DNAH7: variants seen among roughly 807,000 people sequenced by gnomAD.
The protein encoded by DNAH7 is dynein axonemal heavy chain 7.
Under a neutral mutation model 444.6 loss-of-function variants are expected in DNAH7, and 397 were observed. The observed-to-expected ratio is 0.89, with a 90% confidence interval of 0.82 to 0.97. The LOEUF is 0.97. DNAH7 is among the 50% of genes least tolerant of loss of function. DNAH7 has a pLI of 0.00. For synonymous variants in DNAH7, 1,636 were observed against 1,624.4 expected (o/e 1.01, Z -0.17); for missense variants, 4,902 against 4,800.8 (o/e 1.02, Z -0.62).
intron 36 of DNAH7, among the ~76,000 whole-genome samples, chr2:195,879,623 G>A (rs926416298): frequency 9.9e-5 from 15 of 152,064 alleles, no homozygotes; most frequent in African/African-American, 3.4e-4. Context: ...ACTGAAAGAT[G>A]AATATTTTTG....
intron 58 of DNAH7, among the ~76,000 whole-genome samples, chr2:195,782,510 TTTTA>T (rs1695435737): frequency 6.6e-6 from 1 of 152,228 alleles, no homozygotes; most frequent in African/African-American, 2.4e-5. Flanking sequence ...ATTTATCATT[TTTTA>T]TTTAATACAT....
chr2:196,006,035 C>T (rs1264230578), intron 10 of DNAH7, among the ~76,000 whole-genome samples: 1 of 152,030 alleles, frequency 6.6e-6, no homozygotes, highest in Non-Finnish European at 1.5e-5. Flanking sequence ...ATTATATGAT[C>T]ATATGTGATG....
At chr2:196,020,088 C>G (rs1695281343) in intron 8 of DNAH7, among the ~76,000 whole-genome samples, 3 of 151,984 alleles carry the variant, frequency 2.0e-5, no homozygotes, top group Admixed American at 2.0e-4. Flanking sequence ...AATATATTTT[C>G]TCTTTCTTAT....
At chr2:195,994,280 CT>C in intron 12 of DNAH7, 1 of 409,994 alleles carries the variant, frequency 2.4e-6, no homozygotes, top group Non-Finnish European at 4.6e-6. Flanking sequence ...CCAGTGGAAG[CT>C]TTTCCAAATC....
intron 48 of DNAH7, among the ~76,000 whole-genome samples, chr2:195,829,582 C>A (rs1029748580): frequency 5.9e-5 from 9 of 152,044 alleles, no homozygotes; most frequent in Admixed American, 1.3e-4. Flanking sequence ...GTTTCAGTTT[C>A]TCTTACTGCC....
intron 17 of DNAH7, among the ~76,000 whole-genome samples, chr2:195,968,849 C>G (rs1691654815): frequency 6.6e-6 from 1 of 152,192 alleles, no homozygotes. Flanking sequence ...TCCAAATGCT[C>G]TCTGTGTGGG....
At chr2:195,784,464 A>G (rs1297273218) in intron 58 of DNAH7, among the ~76,000 whole-genome samples, 1 of 152,178 alleles carries the variant, frequency 6.6e-6, no homozygotes, top group African/African-American at 2.4e-5. Flanking sequence ...ATAATATCCC[A>G]TTGTCTGAAT....
chr2:196,053,373 A>C lies in DNAH7; in HGVS notation c.79-2124T>G, dbSNP rs189794341. Reference sequence around the variant, plus strand: ...TTTGCGGAAGACAGTCTCAGTTTACACCTTTAGTCTCAGTTTGCCCAAGCA... The same window carrying C: ...TTTGCGGAAGACAGTCTCAGTTTACCCCTTTAGTCTCAGTTTGCCCAAGCA... On this transcript the variant is annotated intron_variant, in intron 2 of 64. Transcript: ENST00000312428. Among the ~76,000 whole-genome samples, 642 of 152,342 alleles carry C rather than the reference A, an allele frequency of 4.2e-3. 16 individuals carry two copies. The highest frequency in any genetic ancestry group is 8.2e-4 in the Non-Finnish European group (56 of 68,032).
rs767168121 is a variant in DNAH7, at chr2:195,891,806, T to G, written c.4897-2A>C. On this transcript the variant is annotated splice_acceptor_variant, in intron 30 of 64. Transcript: ENST00000312428. LOFTEE classifies it high-confidence loss of function. ...AACTTTGTTTTCTTCCATTAGCCCC[T>G]TAATGAAAAAAAAAAACATTTATTT... 1.4e-6 allele frequency: 2 copies of G among 1,450,032 alleles called. No homozygotes were observed. The highest frequency in any genetic ancestry group is 9.1e-7 in the Non-Finnish European group (1 of 1,102,634). The allele number at this position is 1,450,032 out of a possible 1,614,324, so 89.8% of individuals were successfully genotyped here.
chr2:195,886,533 T>C lies in DNAH7; in HGVS notation c.5407-261A>G, dbSNP rs144971517. 1.9e-3 allele frequency among the ~76,000 whole-genome samples: 295 copies of C among 152,270 alleles called. 3 individuals carry two copies. Among genetic ancestry groups the C allele is most frequent in the African/African-American group, 6.7e-3 (278 of 41,560 alleles). ...TTACGTGTGCAGTTAATTTAAGATA[T>C]GGATTCCATGGTATACTAATTTTAT... is the stretch of plus-strand genomic sequence containing the variant. On this transcript the variant is annotated intron_variant, in intron 33 of 64. Coordinates refer to ENST00000312428, the MANE Select transcript of DNAH7 (RefSeq NM_018897.3).
chr2:195,874,192 G>C (rs1295754552), intron 38 of DNAH7, among the ~76,000 whole-genome samples: 2 of 152,130 alleles, frequency 1.3e-5, no homozygotes, highest in African/African-American at 4.8e-5. Context: ...CCCAAGACGA[G>C]TCTATACAGT....
chr2:195,809,926 G>A, intron 51 of DNAH7, 55 bp from the exon 52 acceptor site: 1 of 1,343,494 alleles, frequency 7.4e-7, no homozygotes, highest in Non-Finnish European at 9.7e-7. Context: ...TAAAGATAAT[G>A]CTCTTAAGAA....
chr2:196,039,943 T>C (rs573912620), intron 5 of DNAH7, among the ~76,000 whole-genome samples: 15 of 150,868 alleles, frequency 9.9e-5, no homozygotes, highest in Admixed American at 4.0e-4. Flanking sequence ...CCAGAAAAAA[T>C]AGACACATCC....
intron 19 of DNAH7, among the ~76,000 whole-genome samples, chr2:195,939,361 C>T (rs1689267831): frequency 6.6e-6 from 1 of 152,052 alleles, no homozygotes; most frequent in Non-Finnish European, 1.5e-5. Context: ...CTTTAAATTC[C>T]TCTAAGAATC....
intron 46 of DNAH7, among the ~76,000 whole-genome samples, chr2:195,846,561 G>T (rs181451442): frequency 6.6e-6 from 1 of 152,292 alleles, no homozygotes; most frequent in East Asian, 1.9e-4. Flanking sequence ...TACTGTGATG[G>T]TTAATACTGA....
chr2:195,857,475 A>G lies in DNAH7; in HGVS notation c.8316T>C (p.Tyr2772=), dbSNP rs989054400. ...PAYMNIIRKN[Y]IPNPDFVPEK... is the part of the protein sequence containing the mutation. ...CTGGTACAAAATCTGGATTTGGAAT[A>G]TAATTTTTTCTTATGATATTCATAT... Residue 2772 remains tyrosine, a synonymous_variant, in exon 44 of 65, where the codon TAT becomes TAC. Coordinates refer to ENST00000312428, the MANE Select transcript of DNAH7 (RefSeq NM_018897.3). 3.1e-6 allele frequency: 5 copies of G among 1,613,438 alleles called. No homozygotes were observed. The highest frequency in any genetic ancestry group is 3.4e-6 in the Non-Finnish European group (4 of 1,179,838).
rs767451552 is a variant in DNAH7 at position 195,960,888 on chromosome 2, G to T, written c.2263C>A (p.Gln755Lys). 1.2e-6 allele frequency: 2 copies of T among 1,613,174 alleles called. No homozygotes were observed. The highest frequency in any genetic ancestry group is 1.7e-6 in the Non-Finnish European group (2 of 1,179,554). The change falls in exon 18 of 65, where the codon CAA becomes AAA. Residue 755 changes from glutamine to lysine, a missense_variant. Coordinates refer to ENST00000312428, the MANE Select transcript of DNAH7 (RefSeq NM_018897.3). ...AFGWLPSVYPQRKKIQDGLNP... is the reference protein window; with the variant it reads ...AFGWLPSVYPKRKKIQDGLNP... ...AAGCCATCTTGGATTTTTTTACGTT[G>T]AGGATATACAGATGGTAGCCAACCA...
At chr2:196,035,944 A>G (rs976764039) in intron 5 of DNAH7, among the ~76,000 whole-genome samples, 5 of 152,010 alleles carry the variant, frequency 3.3e-5, no homozygotes, top group Non-Finnish European at 7.4e-5. Flanking sequence ...AAGCTGCCAT[A>G]GCACTGCACC....
At chr2:195,797,428 G>A (rs1404410281) in intron 55 of DNAH7, among the ~76,000 whole-genome samples, 3 of 152,144 alleles carry the variant, frequency 2.0e-5, no homozygotes, top group African/African-American at 7.2e-5. Context: ...ACAAAGTAGA[G>A]CTGGATCCTG....
Sources: allele counts gnomAD v4.1 joint callset (sites outside exome capture counted in the v4.1 genomes callset), GRCh38; gene constraint gnomAD v4.1.1; transcripts MANE v1.5; gene names NCBI Gene and HGNC (gene_info 2026-07-23, HGNC 2026-07-21).